GHR: variants seen among roughly 807,000 people sequenced by gnomAD.
GHR encodes the protein growth hormone receptor.
A neutral mutation model predicts 67.1 loss-of-function variants in GHR; 35 were observed. The ratio of observed to expected loss-of-function variants is 0.52; its 90% confidence interval spans 0.40 to 0.69. The LOEUF is 0.69. Among genes scored for constraint, GHR ranks in the 30% least tolerant of loss-of-function variants. The pLI, the probability that GHR is intolerant of heterozygous loss-of-function variation, is 0.00. For missense variants in GHR, 792 were observed against 764.6 expected (o/e 1.04, Z -0.42); for synonymous variants, 272 against 269.1 (o/e 1.01, Z -0.10).
At chr5:42,495,588 T>G (rs1036725122) in intron 1 of GHR, among the ~76,000 whole-genome samples, 1 of 152,114 alleles carries the variant, frequency 6.6e-6, no homozygotes, top group Non-Finnish European at 1.5e-5. Flanking sequence ...TATTACCATG[T>G]GATCAGAAAA....
At chr5:42,661,955 C>T (rs1755655362) in intron 3 of GHR, among the ~76,000 whole-genome samples, 1 of 152,130 alleles carries the variant, frequency 6.6e-6, no homozygotes, top group African/African-American at 2.4e-5. Flanking sequence ...GGTTGCAATC[C>T]TCGTCTCTGA....
At chr5:42,700,200 T>C (rs946106018) in intron 6 of GHR, among the ~76,000 whole-genome samples, 198 bp downstream of exon 6, 1 of 152,194 alleles carries the variant, frequency 6.6e-6, no homozygotes, top group African/African-American at 2.4e-5. Flanking sequence ...CTTATGTATA[T>C]ATGGAGGCCT....
chr5:42,467,403 G>C, intron 1 of GHR: 1 of 922,818 alleles, frequency 1.1e-6, no homozygotes, highest in Non-Finnish European at 1.8e-6. Context: ...CCCCAGTGTG[G>C]ATCCTCTGGT....
At chr5:42,639,435 G>A (rs939659703) in intron 3 of GHR, among the ~76,000 whole-genome samples, 5 of 152,070 alleles carry the variant, frequency 3.3e-5, no homozygotes, top group Admixed American at 6.5e-5. Context: ...CTTCACTGCC[G>A]CAGGTTATCT....
intron 2 of GHR, among the ~76,000 whole-genome samples, chr5:42,601,427 C>CT (rs1460296300): frequency 2.6e-5 from 4 of 151,926 alleles, no homozygotes; most frequent in African/African-American, 9.7e-5. Context: ...TTCATGAGGA[C>CT]TGTTACCCAG....
intron 8 of GHR, chr5:42,713,883 G>A (rs1758591161): frequency 3.8e-6 from 1 of 264,432 alleles, no homozygotes; most frequent in African/African-American, 2.2e-5. Context: ...CTGAGCCTTT[G>A]GCTGAGTCTG....
chr5:42,610,111 A>G (rs1752819947), intron 2 of GHR, among the ~76,000 whole-genome samples: 1 of 152,174 alleles, frequency 6.6e-6, no homozygotes, highest in South Asian at 2.1e-4. Flanking sequence ...AAATTTCTAA[A>G]GGAGTAAGAC....
At chr5:42,660,297 G>C (rs1039090180) in intron 3 of GHR, among the ~76,000 whole-genome samples, 10 of 152,188 alleles carry the variant, frequency 6.6e-5, no homozygotes, top group Non-Finnish European at 1.5e-4. Context: ...AGAACAGGCA[G>C]ACTGCCTCCT....
Position 42,695,055 on chromosome 5 carries a change from A to T in GHR, c.405A>T (p.Thr135=), listed in dbSNP as rs181815115. 1 of 1,611,746 alleles carries T rather than the reference A, an allele frequency of 6.2e-7. No homozygotes were observed. The highest frequency in any genetic ancestry group is 2.2e-5 in the East Asian group (1 of 44,844). Residue 135 remains threonine (T), a synonymous_variant, in exon 5 of 10, where the codon ACA becomes ACT. Transcript: ENST00000230882. ...YCIKLTSNGG[T]VDEKCFSVDE... is the part of the protein sequence containing the mutation. ...TCAAGCTAACTAGCAATGGTGGTAC[A>T]GTGGATGAAAAGTGTTTCTCTGTTG...
At chr5:42,718,021 T>A in intron 8 of GHR, 31 bp from the exon 9 acceptor site, 1 of 1,113,236 alleles carries the variant, frequency 9.0e-7, no homozygotes. Context: ...GCTTTTAAGA[T>A]GTCAAAACCA....
At chr5:42,480,731 A>G (rs1019277676) in intron 1 of GHR, among the ~76,000 whole-genome samples, 1 of 151,880 alleles carries the variant, frequency 6.6e-6, no homozygotes, top group Non-Finnish European at 1.5e-5. Flanking sequence ...TCTGTTTTCC[A>G]TTTGCTTGGT....
intron 2 of GHR, among the ~76,000 whole-genome samples, chr5:42,585,031 C>A (rs1019732316): frequency 1.3e-5 from 2 of 152,168 alleles, no homozygotes; most frequent in Non-Finnish European, 2.9e-5. Flanking sequence ...GTTCTATGAA[C>A]GTCAGTTGTG....
intron 7 of GHR, among the ~76,000 whole-genome samples, chr5:42,712,333 ACAATAGC>A (rs1380465660): frequency 4.6e-5 from 7 of 152,178 alleles, no homozygotes; most frequent in Admixed American, 4.6e-4. Context: ...CCTTAAAAGT[ACAATAGC>A]TATACACCCT....
In GHR at chr5:42,468,485, G is replaced by A; in HGVS notation, c.-12+44530G>A. 3 of 790,498 alleles carry A rather than the reference G, an allele frequency of 3.8e-6. 1 individual carries two copies. Among genetic ancestry groups the A allele is most frequent in the South Asian group, 3.6e-5 (2 of 55,708 alleles). 49.0% of individuals were successfully genotyped at this position (790,498 alleles called of 1,614,324 possible). A position where few individuals can be genotyped will look rare whatever the true frequency, so the allele number is the denominator to read the frequency against. ...CTGAGAGGCCCGACCAGAGTTCACT[G>A]GCTCTGCAGCAGGAGGCTGGGGGAC... On this transcript the variant is annotated intron_variant, in intron 1 of 9. Coordinates refer to ENST00000230882, the MANE Select transcript of GHR (RefSeq NM_000163.5).
At chr5:42,617,975 C>T (rs953843848) in intron 2 of GHR, among the ~76,000 whole-genome samples, 1 of 151,998 alleles carries the variant, frequency 6.6e-6, no homozygotes, top group Admixed American at 6.6e-5. Context: ...CGTTTTGACT[C>T]TCATTTAATT....
chr5:42,588,922 T>C (rs1310913651), intron 2 of GHR, among the ~76,000 whole-genome samples: 1 of 152,192 alleles, frequency 6.6e-6, no homozygotes, highest in Non-Finnish European at 1.5e-5. Context: ...CAGTAATGTA[T>C]TTTACTTACA....
chr5:42,700,468 G>T (rs959614446), intron 6 of GHR, among the ~76,000 whole-genome samples: 4 of 152,164 alleles, frequency 2.6e-5, no homozygotes, highest in African/African-American at 9.7e-5. Flanking sequence ...AGAGGTTTCA[G>T]AAGGATGTTT....
At chr5:42,591,782 A>C (rs2112596141) in intron 2 of GHR, among the ~76,000 whole-genome samples, 1 of 152,176 alleles carries the variant, frequency 6.6e-6, no homozygotes, top group Middle Eastern at 3.4e-3. Context: ...TTCCACCTCA[A>C]CATCTGTTTG....
At chr5:42,583,576 G>A (rs1450806270) in intron 2 of GHR, among the ~76,000 whole-genome samples, 1 of 152,154 alleles carries the variant, frequency 6.6e-6, no homozygotes, top group East Asian at 1.9e-4. Flanking sequence ...ACAGACTACA[G>A]CTATGCCAGA....
Sources: allele counts gnomAD v4.1 joint callset (sites outside exome capture counted in the v4.1 genomes callset), GRCh38; gene constraint gnomAD v4.1.1; transcripts MANE v1.5; gene names NCBI Gene and HGNC (gene_info 2026-07-23, HGNC 2026-07-21).